The following TLN2 variants were observed in gnomAD, a reference collection of about 807,000 sequenced individuals.
TLN2 encodes talin 2.
In TLN2, 118 loss-of-function variants were observed where a neutral mutation model predicts 294.7. That is an observed-to-expected ratio of 0.40 (90% CI 0.34 to 0.47). The LOEUF is 0.47. Ranked by LOEUF, TLN2 falls within the 20% of genes least tolerant of loss-of-function variation. The pLI is 0.84. For synonymous variants in TLN2, 1,431 were observed against 1,304.5 expected (o/e 1.10, Z -2.09); for missense variants, 3,083 against 3,282.2 (o/e 0.94, Z 1.48).
At chr15:62,496,004 C>T (rs2038998684) in intron 1 of TLN2, among the ~76,000 whole-genome samples, 1 of 151,734 alleles carries the variant, frequency 6.6e-6, no homozygotes, top group African/African-American at 2.4e-5. Context: ...TCTTTGTGTG[C>T]TTTTTATGAA....
chr15:62,813,691 A>T (rs190452291), intron 52 of TLN2, among the ~76,000 whole-genome samples: 2 of 152,352 alleles, frequency 1.3e-5, no homozygotes, highest in East Asian at 3.9e-4. Context: ...AGATAAATCT[A>T]TAAAATTTAC....
intron 1 of TLN2, among the ~76,000 whole-genome samples, chr15:62,400,137 C>T (rs1449520554): frequency 6.6e-6 from 1 of 152,184 alleles, no homozygotes; most frequent in Admixed American, 6.5e-5. Flanking sequence ...TTATGAGGGG[C>T]TTTTCCCCCT....
At chr15:62,774,607 A>C (rs1353694) in intron 42 of TLN2, among the ~76,000 whole-genome samples, 18,119 of 152,200 alleles carry the variant, frequency 0.12, 1,448 homozygotes, top group East Asian at 0.23. Context: ...TAGAAGAGGT[A>C]GACGTTGAGC....
At chr15:62,522,293 A>C (rs2040500068) in intron 1 of TLN2, among the ~76,000 whole-genome samples, 1 of 152,156 alleles carries the variant, frequency 6.6e-6, no homozygotes, top group Admixed American at 6.5e-5. Context: ...AAGAAATAAA[A>C]AAAGAGAATC....
At chr15:62,739,609 CTT>C in intron 31 of TLN2, 64 bp downstream of exon 31, 2 of 1,568,866 alleles carry the variant, frequency 1.3e-6, no homozygotes, top group Non-Finnish European at 1.7e-6. Flanking sequence ...ATAATCCATC[CTT>C]GAGACTGACT....
intron 8 of TLN2, 126 bp downstream of exon 8, chr15:62,656,212 C>T: frequency 8.2e-7 from 1 of 1,225,122 alleles, no homozygotes; most frequent in Non-Finnish European, 1.1e-6. Context: ...CCAGCAGGCG[C>T]TGCTCGTGGG....
At position 62,489,979 on chromosome 15, in the gene TLN2, C is replaced by T. The variant is rs150303416; in HGVS notation, c.-238+99294C>T. ...GTGAAAGAACCACCTAGTTATGCCGCTCTCAAATTCCTGACTCATGAAATC... is the reference window on the plus strand; with the variant it reads ...GTGAAAGAACCACCTAGTTATGCCGTTCTCAAATTCCTGACTCATGAAATC... On this transcript the variant is annotated intron_variant, in intron 1 of 58. Transcript: ENST00000636159. Among the ~76,000 whole-genome samples, 64 of 152,332 alleles carry T rather than the reference C, an allele frequency of 4.2e-4. 1 individual carries two copies. In the East Asian group the frequency reaches 6.0e-3, roughly 14 times the overall value.
chr15:62,819,472 G>A (rs765306206), intron 52 of TLN2, 44 bp from the exon 53 acceptor site: 14 of 1,515,752 alleles, frequency 9.2e-6, no homozygotes, highest in African/African-American at 2.7e-5. Context: ...CTGTCCCAGT[G>A]GTTACTATCC....
At position 62,613,480 on chromosome 15, in the gene TLN2, T is replaced by C. The variant is rs546178508; in HGVS notation, c.-161-4871T>C. Among the ~76,000 whole-genome samples the C allele has an allele frequency of 3.9e-5, 6 of 152,252 alleles. No homozygotes were observed. In the East Asian group the frequency reaches 9.7e-4, roughly 25 times the overall value. On this transcript the variant is annotated intron_variant, in intron 2 of 58. Coordinates refer to ENST00000636159, the MANE Select transcript of TLN2 (RefSeq NM_015059.3). ...AACTCATGTACACTGCTGGTGAGAA[T>C]GGAAAATGGTACAACCTCTTTGGGA...
intron 54 of TLN2, chr15:62,832,811 A>G (rs1201664173): frequency 1.4e-5 from 2 of 144,538 alleles, no homozygotes; most frequent in Non-Finnish European, 3.1e-5. Context: ...GAAAAAGACA[A>G]CTTTTCAGAA....
rs201040911 is a variant in TLN2 at position 62,737,092 on chromosome 15, G to A, written c.3567+6G>A. 4 of 1,613,972 alleles carry A rather than the reference G, an allele frequency of 2.5e-6. No individual in the cohort carries two copies. In the Admixed American group the frequency reaches 6.7e-5, roughly 27 times the overall value. ...GTCAACAAAGACTGGCTCAGGTGAG[G>A]CTAGGAATGAGAAATTGTGGTTGTC... On this transcript the variant is annotated splice_donor_region_variant and intron_variant, in intron 29 of 58. Transcript: ENST00000636159.
chr15:62,825,098 A>G (rs2067928606), intron 54 of TLN2, among the ~76,000 whole-genome samples: 1 of 152,172 alleles, frequency 6.6e-6, no homozygotes, highest in Non-Finnish European at 1.5e-5. Context: ...TTCTGGAGTT[A>G]CATAATGGAT....
intron 1 of TLN2, among the ~76,000 whole-genome samples, chr15:62,525,803 A>G (rs1381316782): frequency 1.3e-5 from 2 of 152,130 alleles, no homozygotes; most frequent in Non-Finnish European, 1.5e-5. Context: ...CCCAGCCCAC[A>G]CGGCACCCCT....
At chr15:62,497,330 G>C (rs2039062109) in intron 1 of TLN2, among the ~76,000 whole-genome samples, 2 of 152,164 alleles carry the variant, frequency 1.3e-5, no homozygotes, top group African/African-American at 4.8e-5. Context: ...TTTTCTATTG[G>C]AAATTGGAGT....
intron 28 of TLN2, 70 bp from the exon 29 acceptor site, chr15:62,736,808 G>A: frequency 6.5e-7 from 1 of 1,546,930 alleles, no homozygotes. Context: ...TGGTCCAGAA[G>A]CTTATTCCTA....
intron 54 of TLN2, among the ~76,000 whole-genome samples, chr15:62,826,689 A>T (rs2068232269): frequency 6.7e-6 from 1 of 148,224 alleles, no homozygotes; most frequent in African/African-American, 2.5e-5. Context: ...ACCAGAAGCA[A>T]ACTAGTAGCA....
chr15:62,533,653 C>T (rs1444192641), intron 1 of TLN2, among the ~76,000 whole-genome samples: 1 of 151,934 alleles, frequency 6.6e-6, no homozygotes, highest in Non-Finnish European at 1.5e-5. Context: ...GTGAAATTTA[C>T]CCCCCATAAA....
intron 33 of TLN2, among the ~76,000 whole-genome samples, chr15:62,749,411 T>C (rs908683161): frequency 2.0e-5 from 3 of 152,276 alleles, no homozygotes; most frequent in Non-Finnish European, 4.4e-5. Context: ...AAATGAGCTC[T>C]GTTGGCCTAG....
At chr15:62,776,994 CAT>C in intron 43 of TLN2, 84 bp downstream of exon 43, 1 of 1,255,594 alleles carries the variant, frequency 8.0e-7, no homozygotes, top group East Asian at 2.8e-5. Flanking sequence ...TGTCAAGGCT[CAT>C]AGCAACAAGC....
Sources: gnomAD v4.1 joint callset for allele counts (sites outside exome capture counted in the v4.1 genomes callset) on GRCh38, gnomAD v4.1.1 for gene constraint, MANE v1.5 for transcripts, NCBI Gene and HGNC (gene_info 2026-07-23, HGNC 2026-07-21) for gene names.